FEZ1: variants seen among roughly 807,000 people sequenced by gnomAD.
FEZ1 encodes the protein fasciculation and elongation protein zeta 1.
A neutral mutation model predicts 49.3 loss-of-function variants in FEZ1; 20 were observed. That is an observed-to-expected ratio of 0.41 (90% CI 0.29 to 0.59). FEZ1 has a LOEUF of 0.59. FEZ1 is among the 20% of genes least tolerant of loss of function. The pLI, the probability that FEZ1 is intolerant of heterozygous loss-of-function variation, is 0.36. For missense variants in FEZ1, 413 were observed against 476.0 expected (o/e 0.87, Z 1.23); for synonymous variants, 170 against 180.9 (o/e 0.94, Z 0.48).
intron 6 of FEZ1, chr11:125,454,414 T>C (rs1425609636): frequency 9.4e-6 from 4 of 426,070 alleles, no homozygotes; most frequent in Non-Finnish European, 1.2e-5. Flanking sequence ...AGAACTCTTA[T>C]CTTAGTAAGT....
At chr11:125,448,765 G>A (rs186984314) in intron 8 of FEZ1, among the ~76,000 whole-genome samples, 198 bp from the exon 9 acceptor site, 199 of 152,156 alleles carry the variant, frequency 1.3e-3, no homozygotes, top group Non-Finnish European at 2.1e-3. Flanking sequence ...CTACCTATCC[G>A]GTACTATGTT....
intron 3 of FEZ1, among the ~76,000 whole-genome samples, chr11:125,480,517 CATTT>C (rs1957269439): frequency 6.6e-6 from 1 of 152,220 alleles, no homozygotes; most frequent in South Asian, 2.1e-4. Context: ...CTGAACTATT[CATTT>C]AAGATGGGAA....
chr11:125,483,428 A>G (rs1338711970), intron 2 of FEZ1, among the ~76,000 whole-genome samples: 3 of 152,232 alleles, frequency 2.0e-5, no homozygotes, highest in African/African-American at 7.2e-5. Flanking sequence ...CTCGTTAGCC[A>G]TCTACTCAGC....
intron 3 of FEZ1, among the ~76,000 whole-genome samples, chr11:125,471,969 C>A (rs1376450908): frequency 7.9e-5 from 12 of 152,132 alleles, no homozygotes. Flanking sequence ...AGCTATAAAA[C>A]CTCCCAAGCA....
intron 3 of FEZ1, among the ~76,000 whole-genome samples, chr11:125,465,921 G>A (rs1957125349): frequency 6.6e-6 from 1 of 152,106 alleles, no homozygotes; most frequent in South Asian, 2.1e-4. Flanking sequence ...ACTGTTTACA[G>A]ACTCCTTCCC....
At chr11:125,450,334 T>C (rs911788684) in intron 8 of FEZ1, among the ~76,000 whole-genome samples, 27 of 152,350 alleles carry the variant, frequency 1.8e-4, no homozygotes, top group African/African-American at 6.0e-4. Flanking sequence ...TCGGCCTGTT[T>C]TATTTTTTTC....
intron 3 of FEZ1, among the ~76,000 whole-genome samples, chr11:125,470,925 T>G (rs1565538369): frequency 6.6e-6 from 1 of 152,148 alleles, no homozygotes; most frequent in Non-Finnish European, 1.5e-5. Flanking sequence ...TAGATTGAAA[T>G]AAAATATATG....
chr11:125,446,836 C>A (rs112908582), intron 9 of FEZ1, among the ~76,000 whole-genome samples: 11 of 148,804 alleles, frequency 7.4e-5, no homozygotes, highest in African/African-American at 2.7e-4. Context: ...CACCACTACA[C>A]CTGGCTGATT....
At chr11:125,481,688 GAGGA>G in intron 2 of FEZ1, 55 bp from the exon 3 acceptor site, 1 of 1,201,238 alleles carries the variant, frequency 8.3e-7, no homozygotes, top group Non-Finnish European at 1.2e-6. Flanking sequence ...GCCCCGCCTG[GAGGA>G]AGGAAGAGCT....
At chr11:125,457,492 GTATATA>G (rs745548707) in intron 5 of FEZ1, among the ~76,000 whole-genome samples, 1,972 of 28,316 alleles carry the variant, frequency 0.07, 47 homozygotes, top group East Asian at 0.2. Flanking sequence ...ACATATATGT[GTATATA>G]TGTATATATA....
chr11:125,494,849 G>A (rs1306938697), intron 1 of FEZ1, among the ~76,000 whole-genome samples: 1 of 152,028 alleles, frequency 6.6e-6, no homozygotes, highest in Admixed American at 6.6e-5. Flanking sequence ...GGAGCGGAGC[G>A]GTGGAGATTT....
chr11:125,456,600 T>C (rs1591583078), intron 5 of FEZ1, among the ~76,000 whole-genome samples: 2 of 152,196 alleles, frequency 1.3e-5, no homozygotes, highest in South Asian at 4.1e-4. Flanking sequence ...TTTACATCTC[T>C]GGTCCTGTGT....
Position 125,445,900 on chromosome 11 carries a change from C to G in FEZ1, c.*195G>C. 1 of 647,304 alleles carries G rather than the reference C, an allele frequency of 1.5e-6. No homozygotes were observed. The highest frequency in any genetic ancestry group is 2.1e-5 in the Admixed American group (1 of 48,598). 40.1% of individuals were successfully genotyped at this position (647,304 alleles called of 1,614,324 possible). A position where few individuals can be genotyped will look rare whatever the true frequency, so the allele number is the denominator to read the frequency against. On this transcript the variant is annotated 3_prime_UTR_variant, in exon 10 of 10. Coordinates refer to ENST00000278919, the MANE Select transcript of FEZ1 (RefSeq NM_005103.5). This position sits in a 1 kb window ranked among gnomAD's most constrained non-coding sequence, Gnocchi z 4.4. Reference sequence around the variant, plus strand: ...GGGGGAGGCACCATCACCGGCCCTGCCCCATCATGCATCCAATGATTACTA... The same window carrying G: ...GGGGGAGGCACCATCACCGGCCCTGGCCCATCATGCATCCAATGATTACTA...
rs1165502795 is a variant in FEZ1, at chr11:125,484,276, C to T, written c.312-2643G>A. Reference sequence around the variant, plus strand: ...TCACAACAATTATACAAGGCAGATGCTAATGAGAAAAAAATTGAAACATAG... The same window carrying T: ...TCACAACAATTATACAAGGCAGATGTTAATGAGAAAAAAATTGAAACATAG... On this transcript the variant is annotated intron_variant, in intron 2 of 9. Coordinates refer to ENST00000278919, the MANE Select transcript of FEZ1 (RefSeq NM_005103.5). Among the ~76,000 whole-genome samples, 3 of 152,110 alleles carry T rather than the reference C, an allele frequency of 2.0e-5. No individual in the cohort carries two copies. In the East Asian group the frequency reaches 5.8e-4, roughly 29 times the overall value.
At chr11:125,469,065 C>A (rs1957160319) in intron 3 of FEZ1, 1 of 152,278 alleles carries the variant, frequency 6.6e-6, no homozygotes, top group East Asian at 1.9e-4. Flanking sequence ...GACCTCTGGC[C>A]TCCTTCCCTG....
chr11:125,463,423 C>G, intron 4 of FEZ1, 61 bp downstream of exon 4: 1 of 970,730 alleles, frequency 1.0e-6, no homozygotes, highest in Non-Finnish European at 1.7e-6. Flanking sequence ...AGTGTGTTCT[C>G]TTGGACTTTT....
chr11:125,462,084 C>A (rs1299321195), intron 4 of FEZ1, among the ~76,000 whole-genome samples: 1 of 152,184 alleles, frequency 6.6e-6, no homozygotes, highest in African/African-American at 2.4e-5. Flanking sequence ...TGGTTCTCTT[C>A]AGTCTCCTAA....
At chr11:125,446,810 T>C (rs1956903406) in intron 9 of FEZ1, among the ~76,000 whole-genome samples, 2 of 152,052 alleles carry the variant, frequency 1.3e-5, no homozygotes, top group South Asian at 4.2e-4. Flanking sequence ...CCTGAGTAGT[T>C]GGGACTACAG....
intron 8 of FEZ1, among the ~76,000 whole-genome samples, chr11:125,451,711 G>A (rs1233997194): frequency 2.0e-5 from 3 of 152,202 alleles, no homozygotes; most frequent in African/African-American, 4.8e-5. Flanking sequence ...GGGTCGTACT[G>A]TTTGATGTAT....
Sources: gnomAD v4.1 joint callset for allele counts (sites outside exome capture counted in the v4.1 genomes callset) on GRCh38, gnomAD v4.1.1 for gene constraint, Gnocchi (gnomAD v3.1) non-coding constraint, MANE v1.5 for transcripts, NCBI Gene and HGNC (gene_info 2026-07-23, HGNC 2026-07-21) for gene names.